DIAPH2: variants seen among roughly 807,000 people sequenced by gnomAD.
DIAPH2 encodes the protein protein diaphanous homolog 2.
A neutral mutation model predicts 92.7 loss-of-function variants in DIAPH2; 35 were observed. The observed-to-expected ratio is 0.38, with a 90% CI of 0.29 to 0.50. The LOEUF is 0.50. Ranked by LOEUF, DIAPH2 falls within the 20% of genes least tolerant of loss-of-function variation. The pLI, the probability that DIAPH2 is intolerant of heterozygous loss-of-function variation, is 0.94. For synonymous variants in DIAPH2, 301 were observed against 280.4 expected, an observed-to-expected ratio of 1.07 and a Z score of -0.73; for missense variants, 701 against 819.5, an observed-to-expected ratio of 0.86 and a Z score of 1.77.
At chrX:97,397,598 C>A (rs2069716622) in intron 25 of DIAPH2, among the ~76,000 whole-genome samples, 1 of 112,003 alleles carries the variant, frequency 8.9e-6, no homozygotes, top group Non-Finnish European at 1.9e-5. Flanking sequence ...ACCACATTCT[C>A]AGAGTATGCT....
chrX:97,195,899 A>C (rs1231199428), intron 22 of DIAPH2, among the ~76,000 whole-genome samples: 1 of 110,735 alleles, frequency 9.0e-6, no homozygotes, highest in African/African-American at 3.3e-5. Flanking sequence ...GCTTATCAGT[A>C]GCTGGGTAGT....
chrX:97,152,300 G>T (rs1481688149), intron 22 of DIAPH2, among the ~76,000 whole-genome samples: 2 of 111,596 alleles, frequency 1.8e-5, no homozygotes, highest in Admixed American at 1.9e-4. Context: ...AAATTAACTG[G>T]CATCTTTTGC....
chrX:97,029,907 A>G (rs1240430151), intron 17 of DIAPH2, among the ~76,000 whole-genome samples: 2 of 111,148 alleles, frequency 1.8e-5, no homozygotes, highest in African/African-American at 6.6e-5. Flanking sequence ...TTTGATACAT[A>G]CTGACCTACT....
At chrX:96,805,960 A>C (rs5950028) in intron 4 of DIAPH2, among the ~76,000 whole-genome samples, 1 of 112,102 alleles carries the variant, frequency 8.9e-6, no homozygotes, top group East Asian at 2.8e-4. Context: ...CATAAATCAC[A>C]TAGTATAGGA....
At chrX:97,284,160 A>G (rs374167247) in intron 23 of DIAPH2, among the ~76,000 whole-genome samples, 1 of 111,398 alleles carries the variant, frequency 9.0e-6, no homozygotes, top group South Asian at 3.8e-4. Context: ...GTATGAAAAT[A>G]TTTTTTTAGT....
At chrX:96,858,326 T>A (rs1004379782) in intron 4 of DIAPH2, among the ~76,000 whole-genome samples, 28 of 111,538 alleles carry the variant, frequency 2.5e-4, no homozygotes, top group Non-Finnish European at 4.9e-4. Context: ...CAACCATGAG[T>A]CAGAATTTTA....
intron 26 of DIAPH2, among the ~76,000 whole-genome samples, chrX:97,468,188 A>G (rs746079558): frequency 1.7e-4 from 19 of 112,112 alleles, no homozygotes; most frequent in Non-Finnish European, 3.0e-4. Context: ...AGAGAGTAGA[A>G]TATTAGCCCA....
intron 23 of DIAPH2, among the ~76,000 whole-genome samples, chrX:97,302,395 G>A (rs1225665974): frequency 9.3e-6 from 1 of 108,066 alleles, no homozygotes; most frequent in Non-Finnish European, 1.9e-5. Flanking sequence ...GCCGGGTGTG[G>A]TGGTGCATGC....
intron 26 of DIAPH2, among the ~76,000 whole-genome samples, chrX:97,495,198 G>A (rs982447422): frequency 1.8e-5 from 2 of 111,850 alleles, no homozygotes; most frequent in Admixed American, 9.5e-5. Context: ...TTTCAGTAGA[G>A]TTTTTTCAGT....
chrX:97,244,399 A>T, intron 22 of DIAPH2, among the ~76,000 whole-genome samples: 1 of 112,085 alleles, frequency 8.9e-6, no homozygotes, highest in Middle Eastern at 4.6e-3. Flanking sequence ...TACTATTGTG[A>T]CCTAAACCTG....
At chrX:97,313,647 G>GT (rs376153422) in intron 23 of DIAPH2, among the ~76,000 whole-genome samples, 147 of 108,499 alleles carry the variant, frequency 1.4e-3, no homozygotes, top group African/African-American at 3.7e-3. Flanking sequence ...AGGCTTTACT[G>GT]TTTTTTTTTG....
chrX:96,946,607 CATT>C (rs2147807729), intron 14 of DIAPH2, among the ~76,000 whole-genome samples: 2 of 111,819 alleles, frequency 1.8e-5, no homozygotes, highest in East Asian at 5.6e-4. Context: ...GTGGAGCTGT[CATT>C]TTTATTGGTG....
At chrX:96,951,694 T>C (rs1052704411) in intron 15 of DIAPH2, among the ~76,000 whole-genome samples, 2 of 111,632 alleles carry the variant, frequency 1.8e-5, no homozygotes, top group African/African-American at 6.5e-5. Flanking sequence ...CAATTTGCAA[T>C]ACGATGTGGT....
At chrX:97,206,181 C>A (rs183905957) in intron 22 of DIAPH2, among the ~76,000 whole-genome samples, 1 of 110,775 alleles carries the variant, frequency 9.0e-6, no homozygotes, top group Non-Finnish European at 1.9e-5. Context: ...GGAGGGAGAG[C>A]ATTAGGACAA....
intron 26 of DIAPH2, among the ~76,000 whole-genome samples, chrX:97,562,094 A>G (rs1259753796): frequency 8.9e-6 from 1 of 111,774 alleles, no homozygotes; most frequent in African/African-American, 3.3e-5. Context: ...CTGTTTATAA[A>G]CTACTTTAAT....
intron 23 of DIAPH2, among the ~76,000 whole-genome samples, chrX:97,253,530 T>A (rs1294661659): frequency 9.2e-6 from 1 of 108,182 alleles, no homozygotes; most frequent in Non-Finnish European, 1.9e-5. Context: ...GGTGGATGAC[T>A]AGGTGAGGAG....
chrX:96,937,374 A>G lies in DIAPH2; in HGVS notation c.1208+23A>G, dbSNP rs778250446. 171 of 1,000,764 alleles carry G rather than the reference A, an allele frequency of 1.7e-4. 1 individual carries two copies. The South Asian group carries it at 4.5e-3, about 26-fold the overall frequency. 82.5% of individuals were successfully genotyped at this position (1,000,764 alleles called of 1,213,427 possible). On this transcript the variant is annotated intron_variant, in intron 11 of 26. Coordinates refer to ENST00000324765, the MANE Select transcript of DIAPH2 (RefSeq NM_006729.5). ...GGAATATCCTTTGACAAACCACAAA[A>G]CAATTTTGTTTGCATTGTGAGAAAG...
chrX:97,180,600 A>G (rs2067531259), intron 22 of DIAPH2, among the ~76,000 whole-genome samples: 1 of 111,562 alleles, frequency 9.0e-6, no homozygotes, highest in Admixed American at 9.6e-5. Flanking sequence ...CCTGAATGGT[A>G]TTGCCTAGGT....
At chrX:97,165,899 A>ACT (rs753262461) in intron 22 of DIAPH2, among the ~76,000 whole-genome samples, 86 of 105,911 alleles carry the variant, frequency 8.1e-4, no homozygotes, top group East Asian at 2.7e-3. Flanking sequence ...CGTCTTCTCT[A>ACT]CTCTCTCTCT....
Sources: gnomAD v4.1 joint callset for allele counts (sites outside exome capture counted in the v4.1 genomes callset) on GRCh38, gnomAD v4.1.1 for gene constraint, MANE v1.5 for transcripts, NCBI Gene and HGNC (gene_info 2026-07-23, HGNC 2026-07-21) for gene names.